The following KLF12 variants were observed in gnomAD, a reference collection of about 807,000 sequenced individuals.
The protein encoded by KLF12 is Krueppel-like factor 12.
Under a neutral mutation model 37.8 loss-of-function variants are expected in KLF12, and 9 were observed. The ratio of observed to expected loss-of-function variants is 0.24; its 90% CI spans 0.14 to 0.42. The LOEUF (loss-of-function observed/expected upper bound fraction) is 0.42. Among genes scored for constraint, KLF12 ranks in the 10% least tolerant of loss-of-function variants. The pLI, the probability that KLF12 is intolerant of heterozygous loss-of-function variation, is 1.00. For missense variants in KLF12, 411 were observed against 516.0 expected (o/e 0.80, Z 1.97); for synonymous variants, 208 against 202.1 (o/e 1.03, Z -0.25).
intron 1 of KLF12, among the ~76,000 whole-genome samples, chr13:74,058,892 C>G (rs1230848210): frequency 1.3e-5 from 2 of 152,136 alleles, no homozygotes; most frequent in Non-Finnish European, 2.9e-5. Context: ...CTAATGAGCC[C>G]ATCACCCATA....
chr13:73,972,117 TGAGTA>T lies in KLF12; in HGVS notation c.33+22868_33+22872del, dbSNP rs537516976. Among the ~76,000 whole-genome samples the T allele has an allele frequency of 3.9e-3, 593 of 152,242 alleles. 3 individuals are homozygous for T. Among genetic ancestry groups the T allele is most frequent in the African/African-American group, 0.013 (554 of 41,526 alleles). ...ACAACCTTAAAATTCTGAAATGCTTTGAGTAAAGGGAGGAAAAAACATAATATACA... is the reference window on the plus strand; with the variant it reads ...ACAACCTTAAAATTCTGAAATGCTTTAAGGGAGGAAAAAACATAATATACA... On this transcript the variant is annotated intron_variant, in intron 2 of 7. Coordinates refer to ENST00000377669, the MANE Select transcript of KLF12 (RefSeq NM_007249.5).
chr13:74,141,866 G>A, the KLF12 span, among the ~76,000 whole-genome samples: 1 of 152,150 alleles, frequency 6.6e-6, no homozygotes, highest in Admixed American at 6.5e-5. Context: ...CCAACTGGCA[G>A]TTGCCTTTTT....
intron 6 of KLF12, among the ~76,000 whole-genome samples, chr13:73,759,829 A>G (rs971659342): frequency 3.3e-5 from 5 of 152,152 alleles, no homozygotes; most frequent in Admixed American, 1.3e-4. Flanking sequence ...TCCCTCCTCA[A>G]AAGACTGTTC....
intron 3 of KLF12, among the ~76,000 whole-genome samples, chr13:73,937,923 GTCT>G (rs1566471329): frequency 6.6e-6 from 1 of 151,926 alleles, no homozygotes; most frequent in African/African-American, 2.4e-5. Flanking sequence ...AAAAAAAATG[GTCT>G]TCTCACATTA....
At chr13:73,986,830 G>C (rs998078053) in intron 2 of KLF12, among the ~76,000 whole-genome samples, 1 of 152,110 alleles carries the variant, frequency 6.6e-6, no homozygotes, top group African/African-American at 2.4e-5. Flanking sequence ...TAAGGAAATG[G>C]AATCAGTCCT....
the KLF12 span, among the ~76,000 whole-genome samples, chr13:74,185,957 T>C: frequency 0.022 from 3,381 of 152,244 alleles, 126 homozygotes; most frequent in African/African-American, 0.074. Flanking sequence ...ACTTCTTAAC[T>C]TTGTGGTAGG....
chr13:74,270,790 G>A, the KLF12 span, among the ~76,000 whole-genome samples: 1 of 152,174 alleles, frequency 6.6e-6, no homozygotes, highest in Non-Finnish European at 1.5e-5. Flanking sequence ...AGTCAGGGGA[G>A]TGTCATGGAC....
chr13:74,129,257 A>G (rs1025575594), intron 1 of KLF12, among the ~76,000 whole-genome samples: 8 of 152,212 alleles, frequency 5.3e-5, no homozygotes, highest in African/African-American at 1.9e-4. Context: ...TTTTATTTGT[A>G]TCATTTTTAT....
chr13:74,103,222 C>T (rs948544651), intron 1 of KLF12, among the ~76,000 whole-genome samples: 1 of 152,052 alleles, frequency 6.6e-6, no homozygotes, highest in Admixed American at 6.6e-5. Context: ...ATTTGTATCC[C>T]GAAACTAACT....
At chr13:73,846,419 C>T (rs369242272) in intron 3 of KLF12, 46 bp from the exon 4 acceptor site, 5 of 1,509,632 alleles carry the variant, frequency 3.3e-6, no homozygotes, top group Non-Finnish European at 4.5e-6. Flanking sequence ...GTTTATCACA[C>T]ATTTTATCGA....
the KLF12 span, among the ~76,000 whole-genome samples, chr13:74,210,568 G>T: frequency 2.0e-5 from 3 of 152,084 alleles, no homozygotes; most frequent in Non-Finnish European, 4.4e-5. Flanking sequence ...CCCCATCTAT[G>T]CCTCTTCTAA....
chr13:73,913,651 A>G (rs893138592), intron 3 of KLF12, among the ~76,000 whole-genome samples: 1 of 152,234 alleles, frequency 6.6e-6, no homozygotes, highest in East Asian at 1.9e-4. Context: ...TAAAGCTTTC[A>G]TGTTGGCAAT....
chr13:74,299,048 T>C, the KLF12 span, among the ~76,000 whole-genome samples: 1 of 152,266 alleles, frequency 6.6e-6, no homozygotes, highest in South Asian at 2.1e-4. Flanking sequence ...ATTCAAGATC[T>C]GAAGGAAATG....
At position 73,686,182 on chromosome 13, in the gene KLF12, G is replaced by C. The variant is rs944865563; in HGVS notation, c.*9308C>G. On this transcript the variant is annotated 3_prime_UTR_variant, in exon 8 of 8. Transcript: ENST00000377669. The stretch of plus-strand genomic sequence containing the variant: ...AGTTAAAGGTTTAAACTCTATTTCA[G>C]TTCACAGCTCAATTCATAGGAAAGT... 1 of 152,536 alleles carries C rather than the reference G, an allele frequency of 6.6e-6. No homozygotes were observed. The highest frequency in any genetic ancestry group is 2.4e-5 in the African/African-American group (1 of 41,426). 9.4% of individuals were successfully genotyped at this position (152,536 alleles called of 1,614,324 possible). A position where few individuals can be genotyped will look rare whatever the true frequency, so the allele number is the denominator to read the frequency against.
At chr13:73,933,629 A>C (rs2139301074) in intron 3 of KLF12, among the ~76,000 whole-genome samples, 1 of 152,194 alleles carries the variant, frequency 6.6e-6, no homozygotes, top group Middle Eastern at 3.4e-3. Flanking sequence ...AATTCATCTA[A>C]GTTTTCATTG....
chr13:74,128,717 G>T (rs934109640), intron 1 of KLF12, among the ~76,000 whole-genome samples: 3 of 152,162 alleles, frequency 2.0e-5, no homozygotes, highest in Non-Finnish European at 4.4e-5. Context: ...TGCCATTTAG[G>T]TTTGTTTTCT....
intron 1 of KLF12, among the ~76,000 whole-genome samples, chr13:74,007,885 G>GAAA (rs199510691): frequency 6.3e-5 from 9 of 142,090 alleles, no homozygotes; most frequent in African/African-American, 1.8e-4. Flanking sequence ...CTGGTACATG[G>GAAA]AAAAAAAAAA....
At chr13:74,227,377 G>A in the KLF12 span, among the ~76,000 whole-genome samples, 3 of 152,146 alleles carry the variant, frequency 2.0e-5, no homozygotes, top group Admixed American at 6.6e-5. Flanking sequence ...GAAAAGGCCT[G>A]TCTTGTTCAT....
At position 74,052,853 on chromosome 13, in the gene KLF12, T is replaced by C. The variant is rs142647486; in HGVS notation, c.-31-57800A>G. The stretch of plus-strand genomic sequence containing the variant: ...GTATCATCTCCTCATTTCTGCCTCA[T>C]AAACTTCTAAAATACTCCACTCCCT... On this transcript the variant is annotated intron_variant, in intron 1 of 7. Transcript: ENST00000377669. 6.8e-3 allele frequency among the ~76,000 whole-genome samples: 1,033 copies of C among 152,266 alleles called. 6 individuals are homozygous for C. The highest frequency in any genetic ancestry group is 0.023 in the African/African-American group (963 of 41,550).
Sources: allele counts gnomAD v4.1 joint callset (sites outside exome capture counted in the v4.1 genomes callset), GRCh38; gene constraint gnomAD v4.1.1; transcripts MANE v1.5; gene names NCBI Gene and HGNC (gene_info 2026-07-23, HGNC 2026-07-21).